The following MKX variants were observed in gnomAD, a reference collection of about 807,000 sequenced individuals.
MKX encodes homeobox protein Mohawk.
Under a neutral mutation model 36.0 loss-of-function variants are expected in MKX, and 13 were observed. The ratio of observed to expected loss-of-function variants is 0.36; its 90% CI spans 0.24 to 0.57. The LOEUF (loss-of-function observed/expected upper bound fraction) is 0.57. Among genes scored for constraint, MKX ranks in the 20% least tolerant of loss-of-function variants. The pLI is 0.79. For synonymous variants in MKX, 176 were observed against 178.3 expected (o/e 0.99, Z 0.10); for missense variants, 458 against 456.4 (o/e 1.00, Z -0.03).
At chr10:27,732,886 T>G (rs7901522) in intron 5 of MKX, among the ~76,000 whole-genome samples, 2,454 of 152,086 alleles carry the variant, frequency 0.016, 58 homozygotes, top group African/African-American at 0.056. Context: ...TAGATGGGAC[T>G]GCAGGTATGC....
chr10:27,721,218 C>T (rs190882910), intron 5 of MKX, among the ~76,000 whole-genome samples: 243 of 150,916 alleles, frequency 1.6e-3, no homozygotes, highest in African/African-American at 5.6e-3. Flanking sequence ...ACTTAAAGTT[C>T]TACTAGAACA....
intron 5 of MKX, among the ~76,000 whole-genome samples, chr10:27,698,989 T>C (rs1343588415): frequency 6.6e-6 from 1 of 152,250 alleles, no homozygotes; most frequent in Non-Finnish European, 1.5e-5. Context: ...TTTAAAAAAG[T>C]GTAAAATACC....
chr10:27,688,916 T>C (rs1163510942), intron 5 of MKX, among the ~76,000 whole-genome samples: 1 of 152,208 alleles, frequency 6.6e-6, no homozygotes, highest in Non-Finnish European at 1.5e-5. Context: ...AAAGGACTAA[T>C]GTGACTTCAG....
At chr10:27,712,759 G>A (rs986919995) in intron 5 of MKX, among the ~76,000 whole-genome samples, 6 of 152,084 alleles carry the variant, frequency 3.9e-5, no homozygotes, top group Admixed American at 1.3e-4. Context: ...GACAAAACAC[G>A]ACAAGACCCC....
intron 5 of MKX, among the ~76,000 whole-genome samples, chr10:27,693,639 C>T (rs1304504997): frequency 6.6e-6 from 1 of 152,148 alleles, no homozygotes; most frequent in African/African-American, 2.4e-5. Context: ...TTACTGATGT[C>T]ACATATGGTT....
intron 5 of MKX, among the ~76,000 whole-genome samples, chr10:27,710,668 T>A (rs1314948778): frequency 6.6e-6 from 1 of 152,218 alleles, no homozygotes; most frequent in African/African-American, 2.4e-5. Flanking sequence ...TTTTATTTAT[T>A]GATTGATTGA....
At chr10:27,696,756 A>T (rs1348939572) in intron 5 of MKX, among the ~76,000 whole-genome samples, 3 of 152,148 alleles carry the variant, frequency 2.0e-5, no homozygotes, top group Non-Finnish European at 4.4e-5. Context: ...ATGAACTAGC[A>T]TCCTACGTAT....
chr10:27,695,565 A>G (rs1005320342), intron 5 of MKX, among the ~76,000 whole-genome samples: 1 of 152,224 alleles, frequency 6.6e-6, no homozygotes, highest in Admixed American at 6.5e-5. Context: ...GCAACTTAGT[A>G]TATAGACTCT....
intron 5 of MKX, among the ~76,000 whole-genome samples, chr10:27,707,637 C>A (rs540397959): frequency 2.0e-4 from 31 of 152,342 alleles, no homozygotes; most frequent in African/African-American, 7.2e-4. Context: ...CCTGCGTCCA[C>A]ACTGCTGCAT....
chr10:27,743,253 GGTT>G lies in MKX; in HGVS notation c.160_162del (p.Asn54del). On this transcript the variant is annotated inframe_deletion, in exon 2 of 7. Transcript: ENST00000419761. The stretch of plus-strand genomic sequence containing the variant: ...CCGGTCCTCCGGTGTCTCAGGCCGA[GGTT>G]GTCCTTGAGGGGCGGGCCGTCGGGA... 6.5e-7 allele frequency: 1 copy of G among 1,537,266 alleles called. No homozygotes were observed. Among genetic ancestry groups the G allele is most frequent in the Non-Finnish European group, 8.7e-7 (1 of 1,148,166 alleles).
chr10:27,683,202 C>T (rs1017545616), intron 5 of MKX, among the ~76,000 whole-genome samples: 27 of 152,120 alleles, frequency 1.8e-4, no homozygotes, highest in African/African-American at 4.6e-4. Context: ...GTCCGTGGCC[C>T]GGGGATGGGG....
rs1017543523 is a variant in MKX, at chr10:27,709,736, T to C, written c.838+24720A>G. Among the ~76,000 whole-genome samples, 8 of 152,158 alleles carry C rather than the reference T, an allele frequency of 5.3e-5. No individual in the cohort carries two copies. In the South Asian group the frequency reaches 8.3e-4, roughly 16 times the overall value. ...GATGCCTCTTCTTTAATATGAGTTA[T>C]AATAAAAGCCCTTTCCATAAATTTC... On this transcript the variant is annotated intron_variant, in intron 5 of 6. Transcript: ENST00000419761.
At chr10:27,694,107 A>G (rs998026368) in intron 5 of MKX, among the ~76,000 whole-genome samples, 1 of 151,444 alleles carries the variant, frequency 6.6e-6, no homozygotes, top group African/African-American at 2.4e-5. Context: ...AGTCCATTAA[A>G]CCTCTTTTTC....
rs897005123 is a variant in MKX at position 27,674,753 on chromosome 10, T to C, written c.*476A>G. The C allele has an allele frequency of 6.6e-6, 1 of 152,664 alleles. No homozygotes were observed. Among genetic ancestry groups the C allele is most frequent in the Admixed American group, 6.5e-5 (1 of 15,296 alleles). The allele number at this position is 152,664 out of a possible 1,614,324, so 9.5% of individuals were successfully genotyped here. On this transcript the variant is annotated 3_prime_UTR_variant, in exon 7 of 7. Coordinates refer to ENST00000419761, the MANE Select transcript of MKX (RefSeq NM_173576.3). ...GAACAATTTTCAATAATGTAGACGTTTTTTAAAAGGAAGATTTCATTTGGG... is the reference window on the plus strand; with the variant it reads ...GAACAATTTTCAATAATGTAGACGTCTTTTAAAAGGAAGATTTCATTTGGG...
chr10:27,715,654 AT>A (rs1329149373), intron 5 of MKX, among the ~76,000 whole-genome samples: 1 of 152,184 alleles, frequency 6.6e-6, no homozygotes, highest in Non-Finnish European at 1.5e-5. Flanking sequence ...AAGAAAATAC[AT>A]GTAGGGCACT....
chr10:27,690,752 G>T (rs1465256092), intron 5 of MKX, among the ~76,000 whole-genome samples: 10 of 152,258 alleles, frequency 6.6e-5, no homozygotes, highest in South Asian at 2.1e-4. Flanking sequence ...GCCACTCCAA[G>T]CTCCATAAAG....
intron 5 of MKX, among the ~76,000 whole-genome samples, chr10:27,724,246 C>G (rs909116245): frequency 1.3e-5 from 2 of 152,162 alleles, no homozygotes; most frequent in Admixed American, 1.3e-4. Context: ...ATCTTCATCA[C>G]TGTGTCAAAG....
chr10:27,731,134 A>G (rs1834618983), intron 5 of MKX, among the ~76,000 whole-genome samples: 2 of 96,968 alleles, frequency 2.1e-5, no homozygotes, highest in Admixed American at 2.1e-4. Flanking sequence ...ACTCCATCTC[A>G]AAAAAAAAAA....
chr10:27,737,778 C>T (rs1372116563), intron 3 of MKX, among the ~76,000 whole-genome samples: 3 of 152,074 alleles, frequency 2.0e-5, no homozygotes, highest in African/African-American at 7.2e-5. Flanking sequence ...ACTTTCTTTA[C>T]TCAATGGGAT....
Sources: allele counts gnomAD v4.1 joint callset (sites outside exome capture counted in the v4.1 genomes callset), GRCh38; gene constraint gnomAD v4.1.1; transcripts MANE v1.5; gene names NCBI Gene and HGNC (gene_info 2026-07-23, HGNC 2026-07-21).